IGFALS: variants seen among roughly 807,000 people sequenced by gnomAD.
IGFALS encodes insulin-like growth factor-binding protein complex acid labile subunit.
A neutral mutation model predicts 2.6 loss-of-function variants in IGFALS; 2 were observed. That is an observed-to-expected ratio of 0.77 (90% CI 0.32 to 2.44). IGFALS has a LOEUF of 2.44. Among genes scored for constraint, IGFALS ranks in the 30% most tolerant of loss-of-function variants. IGFALS has a pLI of 0.11. For missense variants in IGFALS, 996 were observed against 848.7 expected (o/e 1.17, Z -2.16); for synonymous variants, 519 against 431.9 (o/e 1.20, Z -2.50).
Position 1,791,482 on chromosome 16 carries a change from G to A in IGFALS, c.936C>T (p.Asp312=), listed in dbSNP as rs564286350. 6.2e-7 allele frequency: 1 copy of A among 1,611,806 alleles called. No individual in the cohort carries two copies. The highest frequency in any genetic ancestry group is 1.1e-5 in the South Asian group (1 of 90,976). The change falls in exon 2 of 2, where the codon GAC becomes GAT. Residue 312 remains aspartate (D), a synonymous_variant. Coordinates refer to ENST00000215539, the MANE Select transcript of IGFALS (RefSeq NM_004970.3). ...GCTGCAGCTCCTCCAGGAAGTGCAG[G>A]TCCTTGAAGGTGCGGGGCCGCAGGC... The part of the protein sequence containing the change: ...IASLRPRTFK[D]LHFLEELQLG...
At chr16:1,794,759 G>T, upstream of IGFALS, 1 of 686,082 alleles carries the variant, frequency 1.5e-6, no homozygotes, top group South Asian at 1.5e-5. Flanking sequence ...AGCCGGAAGG[G>T]GTGCAGGCGG....
upstream of IGFALS, among the ~76,000 whole-genome samples, chr16:1,794,072 G>C (rs1398961895): frequency 6.6e-6 from 1 of 152,096 alleles, no homozygotes; most frequent in Non-Finnish European, 1.5e-5. Flanking sequence ...GGGGCTCCTC[G>C]GGCAGCTCCT....
At chr16:1,793,165 C>A (rs1363003479) in intron 1 of IGFALS, among the ~76,000 whole-genome samples, 2 of 152,290 alleles carry the variant, frequency 1.3e-5, no homozygotes, top group East Asian at 3.9e-4. Flanking sequence ...GTGGGGCCCC[C>A]CCGACTGCCC....
rs762062477 is a variant in IGFALS, at chr16:1,790,947, G to A, written c.1471C>T (p.His491Tyr). 2 of 1,595,390 alleles carry A rather than the reference G, an allele frequency of 1.3e-6. No homozygotes were observed. Among genetic ancestry groups the A allele is most frequent in the South Asian group, 2.2e-5 (2 of 90,530 alleles). ...LQRAFWLDVS[H>Y]NRLEALPNSL... ...TTGGGCAATGCCTCCAGGCGGTTGT[G>A]CGAGACGTCCAGCCAGAAGGCCCGC... Residue 491 changes from histidine (H) to tyrosine (Y), a missense_variant, in exon 2 of 2, where the codon CAC becomes TAC. Physicochemically the swap from His to Tyr is moderately conservative, Grantham distance 83. Transcript: ENST00000215539.
rs1897196084 is a variant in IGFALS at position 1,790,631 on chromosome 16, TC to T, written c.1786del (p.Asp596ThrfsTer73). The T allele has an allele frequency of 6.3e-7, 1 of 1,579,702 alleles. No homozygotes were observed. Among genetic ancestry groups the T allele is most frequent in the Non-Finnish European group, 8.6e-7 (1 of 1,164,142 alleles). ...GGGAGCAAAGTGGGCCTCGCTGAGG[TC>T]CCGCAGGTCGAGCCCCACGACCTCG... ...PPEVVGLDLR[D>X]LSEAHFAPC On this transcript the variant is annotated frameshift_variant, in exon 2 of 2. Transcript: ENST00000215539. LOFTEE classifies it high-confidence loss of function.
chr16:1,791,954 T>G lies in IGFALS; in HGVS notation c.464A>C (p.Asn155Thr). Residue 155 changes from asparagine (N) to threonine (T), a missense_variant, in exon 2 of 2, where the codon AAC becomes ACC. Physicochemically the swap from Asn to Thr is moderately conservative, Grantham distance 65. Transcript: ENST00000215539. ...GTCCTCCAGCCTGCTCAGACGGTTGTTGCTGAGGCCGAGCGAGGCCAGCGC... is the reference window on the plus strand; with the variant it reads ...GTCCTCCAGCCTGCTCAGACGGTTGGTGCTGAGGCCGAGCGAGGCCAGCGC... ...TPALASLGLS[N>T]NRLSRLEDGL... is the part of the protein sequence containing the mutation. 1.3e-6 allele frequency: 2 copies of G among 1,596,090 alleles called. No individual in the cohort carries two copies. Among genetic ancestry groups the G allele is most frequent in the Non-Finnish European group, 8.5e-7 (1 of 1,173,140 alleles).
chr16:1,791,796 A>G lies in IGFALS; in HGVS notation c.622T>C (p.Tyr208His), dbSNP rs762744429. The change falls in exon 2 of 2, where the codon TAC becomes CAC. Residue 208 changes from tyrosine (Y) to histidine (H), a missense_variant. Tyr to His is a moderately conservative substitution (Grantham distance 83). Coordinates refer to ENST00000215539, the MANE Select transcript of IGFALS (RefSeq NM_004970.3). ...CCGCTGAAGAGCGCGGGCTGCAGGT[A>G]GGCCAGCCTGTTGCCCGCCAGCACC... ...ELVLAGNRLA[Y>H]LQPALFSGLA... The G allele has an allele frequency of 1.5e-5, 24 of 1,548,774 alleles. No individual in the cohort carries two copies. In the South Asian group the frequency reaches 2.6e-4, roughly 17 times the overall value.
chr16:1,791,550 G>A lies in IGFALS; in HGVS notation c.868C>T (p.Leu290=), dbSNP rs1256210232. 1 of 1,575,426 alleles carries A rather than the reference G, an allele frequency of 6.3e-7. No individual in the cohort carries two copies. Among genetic ancestry groups the A allele is most frequent in the South Asian group, 1.2e-5 (1 of 86,926 alleles). The change falls in exon 2 of 2, where the codon CTG becomes TTG. Residue 290 remains leucine (L), a synonymous_variant. Transcript: ENST00000215539. ...GLLEDTFPGL[L]GLRVLRLSHN... ...GACAGCCGCAGCACACGCAGGCCCA[G>A]CAGACCGGGGAACGTGTCCTCCAGG...
At position 1,791,300 on chromosome 16, in the gene IGFALS, C is replaced by T; in HGVS notation, c.1118G>A (p.Cys373Tyr). The change falls in exon 2 of 2, where the codon TGT becomes TAT. Residue 373 changes from cysteine (C) to tyrosine (Y), a missense_variant. Coordinates refer to ENST00000215539, the MANE Select transcript of IGFALS (RefSeq NM_004970.3). ...CACCTGCTCCGGAAGGTTCCGGAGA[C>T]AGTTCCCAGAGAGGTTCATGACCGC... ...NVAVMNLSGN[C>Y]LRNLPEQVFR... 4 of 1,609,034 alleles carry T rather than the reference C, an allele frequency of 2.5e-6. No homozygotes were observed. Among genetic ancestry groups the T allele is most frequent in the East Asian group, 2.2e-5 (1 of 44,870 alleles).
rs1234874819 is a variant in IGFALS, at chr16:1,790,585, AG to A, written c.*14del. The A allele has an allele frequency of 1.3e-6, 2 of 1,555,796 alleles. No homozygotes were observed. The highest frequency in any genetic ancestry group is 1.7e-6 in the Non-Finnish European group (2 of 1,149,928). ...GGTGGGGGCCTGAGTCCGGGGCTTG[AG>A]TCCGGGGACCTGGTCAGCAGGGAGC... On this transcript the variant is annotated 3_prime_UTR_variant, in exon 2 of 2. Coordinates refer to ENST00000215539, the MANE Select transcript of IGFALS (RefSeq NM_004970.3).
intron 1 of IGFALS, 58 bp downstream of exon 1, chr16:1,793,579 C>T: frequency 6.4e-7 from 1 of 1,550,568 alleles, no homozygotes. Flanking sequence ...CCCCAGCGGG[C>T]TCAGGGTCAC....
rs747626071 is a variant in IGFALS, at chr16:1,791,588, C to T, written c.830G>A (p.Arg277His). The stretch of plus-strand genomic sequence containing the variant: ...CGTGTCCTCCAGGAGGCCAGCCACG[C>T]GGTTGTGGGACAGGTCCAGCCATCG... Reference protein sequence around the residue: ...ALRWLDLSHNRVAGLLEDTFP... With the variant: ...ALRWLDLSHNHVAGLLEDTFP... The change falls in exon 2 of 2, where the codon CGC (arginine) becomes CAC (histidine). Residue 277 changes from arginine to histidine, a missense_variant. Transcript: ENST00000215539. 2.2e-5 allele frequency: 34 copies of T among 1,563,482 alleles called. No individual in the cohort carries two copies. Among genetic ancestry groups the T allele is most frequent in the Admixed American group, 5.7e-5 (3 of 52,586 alleles).
At chr16:1,794,880 C>T (rs747381073), upstream of IGFALS, 3 of 702,212 alleles carry the variant, frequency 4.3e-6, no homozygotes, top group East Asian at 2.7e-5. Flanking sequence ...CGCCGGCCCA[C>T]TGTCATCGTC....
chr16:1,793,256 G>T (rs540690454), intron 1 of IGFALS, among the ~76,000 whole-genome samples: 1 of 152,200 alleles, frequency 6.6e-6, no homozygotes, highest in Non-Finnish European at 1.5e-5. Context: ...GCTGCAAGGG[G>T]TCACCCCACA....
At position 1,791,074 on chromosome 16, in the gene IGFALS, G is replaced by T. The variant is rs779354727; in HGVS notation, c.1344C>A (p.His448Gln). The stretch of plus-strand genomic sequence containing the variant: ...GGCCCTGGAAGAGGCGGTGGGGCAG[G>T]TGCGTGAGCTGGTTGGAGGTCAGGT... ...ELDLTSNQLT[H>Q]LPHRLFQGLG... The change falls in exon 2 of 2, where the codon CAC (histidine) becomes CAA (glutamine). Residue 448 changes from histidine to glutamine, a missense_variant. By Grantham distance (24) the His-to-Gln change is conservative. Transcript: ENST00000215539. 4.4e-6 allele frequency: 7 copies of T among 1,599,154 alleles called. No homozygotes were observed. In the South Asian group the frequency reaches 7.7e-5, roughly 18 times the overall value.
chr16:1,792,190 G>A lies in IGFALS; in HGVS notation c.228C>T (p.Thr76=). The change falls in exon 2 of 2, where the codon ACC becomes ACT. Residue 76 remains threonine (T), a synonymous_variant. Transcript: ENST00000215539. ...TRLPDGVPGG[T]QALWLDGNNL... ...TGTTGCCGTCCAGCCACAGGGCTTGGGTGCCGCCCGGGACTCCATCAGGCA... is the reference window on the plus strand; with the variant it reads ...TGTTGCCGTCCAGCCACAGGGCTTGAGTGCCGCCCGGGACTCCATCAGGCA... 6.2e-7 allele frequency: 1 copy of A among 1,610,810 alleles called. No individual in the cohort carries two copies. Among genetic ancestry groups the A allele is most frequent in the Non-Finnish European group, 8.5e-7 (1 of 1,179,714 alleles).
In IGFALS at chr16:1,791,851, C is replaced by G; in HGVS notation, c.567G>C (p.Ala189=). 1 of 1,553,480 alleles carries G rather than the reference C, an allele frequency of 6.4e-7. No homozygotes were observed. The highest frequency in any genetic ancestry group is 8.7e-7 in the Non-Finnish European group (1 of 1,150,244). ...WNSLAVLPDA[A]FRGLGSLREL... is the part of the protein sequence containing the mutation. ...CGCGCAGGCTGCCCAGGCCGCGGAA[C>G]GCCGCATCGGGGAGCACCGCCAGGC... is the stretch of plus-strand genomic sequence containing the variant. The change falls in exon 2 of 2, where the codon GCG becomes GCC. Residue 189 remains alanine, a synonymous_variant. Coordinates refer to ENST00000215539, the MANE Select transcript of IGFALS (RefSeq NM_004970.3).
Position 1,790,685 on chromosome 16 carries a change from T to G in IGFALS, c.1733A>C (p.Tyr578Ser). The change falls in exon 2 of 2, where the codon TAC (tyrosine) becomes TCC (serine). Residue 578 changes from tyrosine to serine, a missense_variant. Coordinates refer to ENST00000215539, the MANE Select transcript of IGFALS (RefSeq NM_004970.3). ...GDDCQPPAYTYNNITCASPPE... is the reference protein window; with the variant it reads ...GDDCQPPAYTSNNITCASPPE... ...CGGGCTGGCACAGGTGATGTTGTTG[T>G]AGGTGTACGCGGGCGGCTGGCAATC... 1 of 1,606,994 alleles carries G rather than the reference T, an allele frequency of 6.2e-7. No individual in the cohort carries two copies. Among genetic ancestry groups the G allele is most frequent in the South Asian group, 1.1e-5 (1 of 89,812 alleles).
In IGFALS at chr16:1,792,304, G is replaced by A. The variant is rs531414804; in HGVS notation, c.114C>T (p.Gly38=). Residue 38 remains glycine (G), a synonymous_variant, in exon 2 of 2, where the codon GGC becomes GGT. Transcript: ENST00000215539. ...AGACACAGGCGGCCGGGCACGCTGG[G>A]CCCTCGGCTTCCCCCGGCGTTCCGG... ...ADPGTPGEAE[G]PACPAACVCS... 3 of 1,598,264 alleles carry A rather than the reference G, an allele frequency of 1.9e-6. No homozygotes were observed. Among genetic ancestry groups the A allele is most frequent in the African/African-American group, 2.7e-5 (2 of 75,026 alleles).
Sources: allele counts gnomAD v4.1 joint callset (sites outside exome capture counted in the v4.1 genomes callset), GRCh38; gene constraint gnomAD v4.1.1; transcripts MANE v1.5; gene names NCBI Gene and HGNC (gene_info 2026-07-23, HGNC 2026-07-21).